TET3: variants seen among roughly 807,000 people sequenced by gnomAD.
The protein encoded by TET3 is methylcytosine dioxygenase TET3.
Under a neutral mutation model 141.4 loss-of-function variants are expected in TET3, and 19 were observed. That is an observed-to-expected ratio of 0.13 (90% CI 0.09 to 0.20). TET3 has a LOEUF of 0.20. Ranked by LOEUF, TET3 falls within the 10% of genes least tolerant of loss-of-function variation. The pLI is 1.00. For synonymous variants in TET3, 1,043 were observed against 980.9 expected (o/e 1.06, Z -1.18); for missense variants, 1,874 against 2,356.9 (o/e 0.80, Z 4.24).
chr2:74,126,252 G>A, the TET3 span, among the ~76,000 whole-genome samples: 1 of 152,136 alleles, frequency 6.6e-6, no homozygotes, highest in Admixed American at 6.5e-5. Flanking sequence ...TAGATCAGCT[G>A]TTTTAATGCT....
At chr2:74,022,623 T>C (rs934454897) in intron 3 of TET3, among the ~76,000 whole-genome samples, 1 of 152,102 alleles carries the variant, frequency 6.6e-6, no homozygotes, top group East Asian at 1.9e-4. Context: ...GGCACTGCTT[T>C]TGCAAATTAA....
At position 74,103,258 on chromosome 2, in the gene TET3, C is replaced by G. The variant is rs932657927; in HGVS notation, c.*1082C>G. On this transcript the variant is annotated 3_prime_UTR_variant, in exon 12 of 12. Transcript: ENST00000409262. The stretch of plus-strand genomic sequence containing the variant: ...TGTGAAAAGCCAGTGGTGCTCTGTG[C>G]ATGGTGCTGTGCGGAGCCTGGTGCT... 2.6e-5 allele frequency: 4 copies of G among 152,668 alleles called. No individual in the cohort carries two copies. Among genetic ancestry groups the G allele is most frequent in the African/African-American group, 9.7e-5 (4 of 41,444 alleles). The allele number at this position is 152,668 out of a possible 1,614,324, so 9.5% of individuals were successfully genotyped here. A position where few individuals can be genotyped will look rare whatever the true frequency, so the allele number is the denominator to read the frequency against.
chr2:74,065,733 CTTTCT>C (rs1418655070), intron 4 of TET3, among the ~76,000 whole-genome samples: 1 of 141,388 alleles, frequency 7.1e-6, no homozygotes, highest in African/African-American at 2.6e-5. Context: ...TTTTCTTTCC[CTTTCT>C]TTCCTTTCCT....
intron 3 of TET3, among the ~76,000 whole-genome samples, chr2:74,017,779 G>C (rs1014859137): frequency 8.6e-5 from 13 of 152,038 alleles, no homozygotes; most frequent in African/African-American, 1.2e-4. Context: ...GGATCATACG[G>C]TAGTTCTAGT....
At position 74,107,617 on chromosome 2, in the gene TET3, C is replaced by G. The variant is rs558742059; in HGVS notation, c.*5441C>G. ...TCCAATTAAAGAAACAAGGGCAGGTCGTATAATGGCATATTAATACATTAG... is the reference window on the plus strand; with the variant it reads ...TCCAATTAAAGAAACAAGGGCAGGTGGTATAATGGCATATTAATACATTAG... On this transcript the variant is annotated 3_prime_UTR_variant, in exon 12 of 12. Transcript: ENST00000409262. 6.6e-6 allele frequency: 1 copy of G among 152,162 alleles called. No homozygotes were observed. The highest frequency in any genetic ancestry group is 2.4e-5 in the African/African-American group (1 of 41,500). 9.4% of individuals were successfully genotyped at this position (152,162 alleles called of 1,614,324 possible).
chr2:74,050,437 G>A (rs536676645), intron 4 of TET3, among the ~76,000 whole-genome samples: 121 of 147,816 alleles, frequency 8.2e-4, no homozygotes, highest in African/African-American at 2.7e-3. Context: ...CCTTGTAAAG[G>A]AAAAAAAAAA....
chr2:74,017,519 A>G (rs989127834), intron 3 of TET3, among the ~76,000 whole-genome samples: 1 of 152,020 alleles, frequency 6.6e-6, no homozygotes, highest in Non-Finnish European at 1.5e-5. Context: ...GGCTTATTTC[A>G]CTTAACATAT....
rs368194562 is a variant in TET3, at chr2:74,100,493, G to A, written c.3705G>A (p.Ala1235=). ...GCTCCTTCAAGTACAGCGGCAACGC[G>A]GTGGTGGAGAGCTACTCGGTGCTGG... ...HFSSFKYSGN[A]VVESYSVLGN... Residue 1235 remains alanine (A), a synonymous_variant, in exon 12 of 12, where the codon GCG becomes GCA. Coordinates refer to ENST00000409262, the MANE Select transcript of TET3 (RefSeq NM_001287491.2). 46 of 1,602,508 alleles carry A rather than the reference G, an allele frequency of 2.9e-5. No individual in the cohort carries two copies. The highest frequency in any genetic ancestry group is 3.5e-5 in the Non-Finnish European group (41 of 1,174,692).
chr2:74,006,210 A>T (rs1043497409), intron 3 of TET3, among the ~76,000 whole-genome samples: 23 of 152,200 alleles, frequency 1.5e-4, no homozygotes, highest in Admixed American at 5.9e-4. Flanking sequence ...GGGTATGTTT[A>T]TAAGCAGCAG....
chr2:74,116,813 G>A, the TET3 span, among the ~76,000 whole-genome samples: 3,042 of 151,472 alleles, frequency 0.02, 110 homozygotes, highest in African/African-American at 0.07. Context: ...GTGGTGGCTC[G>A]TGCCTGTAAT....
At chr2:74,117,944 C>A in the TET3 span, among the ~76,000 whole-genome samples, 1 of 152,022 alleles carries the variant, frequency 6.6e-6, no homozygotes, top group East Asian at 1.9e-4. Flanking sequence ...CGGGGTTTCA[C>A]CATGTTGGCC....
chr2:74,070,009 A>C (rs2103910431), intron 4 of TET3, among the ~76,000 whole-genome samples: 1 of 152,326 alleles, frequency 6.6e-6, no homozygotes, highest in South Asian at 2.1e-4. Context: ...AACCATATAA[A>C]ATTATCATTT....
In TET3 at chr2:74,103,955, C is replaced by T. The variant is rs1330742680; in HGVS notation, c.*1779C>T. 6.5e-6 allele frequency: 1 copy of T among 153,590 alleles called. No individual in the cohort carries two copies. Among genetic ancestry groups the T allele is most frequent in the African/African-American group, 2.4e-5 (1 of 41,368 alleles). 9.5% of individuals were successfully genotyped at this position (153,590 alleles called of 1,614,324 possible). On this transcript the variant is annotated 3_prime_UTR_variant, in exon 12 of 12. Transcript: ENST00000409262. ...ATCAGATGACCGCTATAGGCAAGTT[C>T]CTGAGCTTCCGGGTGCCTTGAGTAA...
intron 3 of TET3, among the ~76,000 whole-genome samples, chr2:74,016,218 G>A (rs1002493397): frequency 4.6e-5 from 7 of 151,780 alleles, no homozygotes; most frequent in East Asian, 1.9e-4. Context: ...AAATGAACTT[G>A]CTTGAGCCCA....
chr2:74,030,068 G>C (rs1686592876), intron 3 of TET3, among the ~76,000 whole-genome samples: 1 of 152,138 alleles, frequency 6.6e-6, no homozygotes, highest in African/African-American at 2.4e-5. Flanking sequence ...CAAGAGAAAG[G>C]ACTCTGTTTG....
At chr2:74,032,441 G>A (rs983614366) in intron 3 of TET3, among the ~76,000 whole-genome samples, 10 of 113,274 alleles carry the variant, frequency 8.8e-5, no homozygotes, top group African/African-American at 4.6e-4. Context: ...GCTGCAAGAG[G>A]GGTGTGTCTC....
chr2:74,067,614 A>G (rs1478851420), intron 4 of TET3, among the ~76,000 whole-genome samples: 1 of 152,264 alleles, frequency 6.6e-6, no homozygotes, highest in African/African-American at 2.4e-5. Context: ...AAGATGCTCT[A>G]GAAGTCCAGA....
intron 11 of TET3, among the ~76,000 whole-genome samples, chr2:74,100,141 C>T (rs538081388): frequency 2.7e-4 from 41 of 152,196 alleles, no homozygotes; most frequent in African/African-American, 8.4e-4. Flanking sequence ...CTGTGGACCC[C>T]GCATGAGGTG....
At position 74,003,165 on chromosome 2, in the gene TET3, A is replaced by G. The variant is rs1684953861; in HGVS notation, c.359A>G (p.Lys120Arg). 6 of 1,549,322 alleles carry G rather than the reference A, an allele frequency of 3.9e-6. No individual in the cohort carries two copies. The highest frequency in any genetic ancestry group is 2.4e-5 in the South Asian group (2 of 84,026). The change falls in exon 3 of 12, where the codon AAG becomes AGG. Residue 120 changes from lysine (K) to arginine (R), a missense_variant and splice_region_variant. Physicochemically the swap from Lys to Arg is conservative, Grantham distance 26 (BLOSUM62 2). Coordinates refer to ENST00000409262, the MANE Select transcript of TET3 (RefSeq NM_001287491.2). ...CCGTGGGGACAAGGAGCGGCTGTCA[A>G]GGTACCTTGTGTGTGTGCGTGCGTG... ...AGPWGQGAAV[K>R]TGSELSPVDG...
Sources: allele counts gnomAD v4.1 joint callset (sites outside exome capture counted in the v4.1 genomes callset), GRCh38; gene constraint gnomAD v4.1.1; transcripts MANE v1.5; gene names NCBI Gene and HGNC (gene_info 2026-07-23, HGNC 2026-07-21).